Variants in C2CD3 observed in about 807,000 individuals in gnomAD.
C2CD3 encodes C2 domain containing 3 centriole elongation regulator.
In C2CD3, 148 loss-of-function variants were observed where a neutral mutation model predicts 234.0. The ratio of observed to expected loss-of-function variants is 0.63; its 90% confidence interval spans 0.55 to 0.72. The LOEUF (loss-of-function observed/expected upper bound fraction) is 0.72, where lower values mean the gene tolerates loss of function less well. C2CD3 is among the 30% of genes least tolerant of loss of function. C2CD3 has a pLI of 0.00. For missense variants in C2CD3, 2,577 were observed against 2,811.5 expected (o/e 0.92, Z 1.89); for synonymous variants, 1,000 against 1,035.4 (o/e 0.97, Z 0.66).
At chr11:74,109,456 GT>G in intron 11 of C2CD3, 1 of 244,326 alleles carries the variant, frequency 4.1e-6, no homozygotes, top group Non-Finnish European at 7.8e-6. Flanking sequence ...ACTTCACTGG[GT>G]TTTAGGTAAT....
intron 19 of C2CD3, 60 bp downstream of exon 19, chr11:74,092,356 T>C: frequency 6.8e-7 from 1 of 1,479,114 alleles, no homozygotes. Flanking sequence ...CACCCGGCTA[T>C]TTTATATATT....
intron 22 of C2CD3, among the ~76,000 whole-genome samples, chr11:74,084,475 C>T (rs1211089738): frequency 1.3e-5 from 2 of 151,568 alleles, no homozygotes; most frequent in African/African-American, 2.4e-5. Context: ...GGGGTTTCAC[C>T]ATGTTAGCCA....
chr11:74,109,008 G>T, intron 12 of C2CD3, 26 bp downstream of exon 12: 1 of 1,269,762 alleles, frequency 7.9e-7, no homozygotes, highest in Non-Finnish European at 1.1e-6. Flanking sequence ...TGAAGGTAAG[G>T]CAAAGGCCAA....
chr11:74,026,767 A>G (rs1952315662), intron 32 of C2CD3, among the ~76,000 whole-genome samples: 1 of 152,066 alleles, frequency 6.6e-6, no homozygotes, highest in African/African-American at 2.4e-5. Flanking sequence ...CAAGAGATTG[A>G]GACCATCCTG....
At chr11:74,075,366 T>TG (rs35261928) in intron 23 of C2CD3, among the ~76,000 whole-genome samples, 1 of 121,086 alleles carries the variant, frequency 8.3e-6, no homozygotes, top group Admixed American at 8.6e-5. Flanking sequence ...GGCGATATTT[T>TG]GGGGGGGGGT....
At chr11:74,056,280 C>A (rs554203540) in intron 25 of C2CD3, among the ~76,000 whole-genome samples, 2 of 152,302 alleles carry the variant, frequency 1.3e-5, no homozygotes, top group East Asian at 3.9e-4. Context: ...TAAATTCTAA[C>A]AATGATTTTG....
chr11:74,105,097 G>A (rs1387671630), intron 13 of C2CD3, among the ~76,000 whole-genome samples: 1 of 152,152 alleles, frequency 6.6e-6, no homozygotes, highest in African/African-American at 2.4e-5. Flanking sequence ...CAAAAACACA[G>A]AGGCATGAAC....
intron 7 of C2CD3, among the ~76,000 whole-genome samples, chr11:74,126,659 G>C (rs550419566): frequency 6.6e-6 from 1 of 152,102 alleles, no homozygotes. Flanking sequence ...CAGGAGAATC[G>C]CTTGAACCCA....
chr11:74,159,821 C>A (rs1195410882), intron 3 of C2CD3, among the ~76,000 whole-genome samples: 1 of 151,716 alleles, frequency 6.6e-6, no homozygotes, highest in African/African-American at 2.4e-5. Context: ...TAGGCCTTCA[C>A]ATTCACTCAC....
chr11:74,133,080 C>G, intron 6 of C2CD3, 108 bp from the exon 7 acceptor site: 1 of 1,034,816 alleles, frequency 9.7e-7, no homozygotes, highest in Non-Finnish European at 1.4e-6. Flanking sequence ...ATTTAACATA[C>G]TTTAGACTTA....
chr11:74,120,031 G>A (rs1033090620), intron 8 of C2CD3, among the ~76,000 whole-genome samples: 1 of 151,970 alleles, frequency 6.6e-6, no homozygotes, highest in Non-Finnish European at 1.5e-5. Context: ...TAGTGCAACT[G>A]AAAAATAAAT....
intron 11 of C2CD3, among the ~76,000 whole-genome samples, chr11:74,111,919 T>TAC (rs61499954): frequency 0.093 from 11,550 of 124,632 alleles, 543 homozygotes; most frequent in Middle Eastern, 0.13. Context: ...TATTTGCTGA[T>TAC]ACACACACAC....
intron 32 of C2CD3, among the ~76,000 whole-genome samples, chr11:74,027,686 C>A (rs991184364): frequency 3.9e-5 from 6 of 152,152 alleles, no homozygotes; most frequent in Non-Finnish European, 8.8e-5. Context: ...TGCTCAGTAT[C>A]CAGCATGACA....
chr11:74,135,356 C>T (rs1957826107), intron 5 of C2CD3, among the ~76,000 whole-genome samples: 2 of 152,090 alleles, frequency 1.3e-5, no homozygotes, highest in East Asian at 1.9e-4. Flanking sequence ...GAGCCTCGAC[C>T]TCCCAGGGTC....
rs778878027 is a variant in C2CD3, at chr11:74,054,576, C to A, written c.5155+31G>T. On this transcript the variant is annotated intron_variant, in intron 26 of 32. Coordinates refer to ENST00000334126, the MANE Select transcript of C2CD3 (RefSeq NM_001286577.2). ...CAGGATGTGAGCTTATTTTTACAAG[C>A]AAGCAGATATTCTTTTAACAGAGTT... 5.1e-6 allele frequency: 6 copies of A among 1,187,460 alleles called. No individual in the cohort carries two copies. In the South Asian group the frequency reaches 6.7e-5, roughly 13 times the overall value. 73.6% of individuals were successfully genotyped at this position (1,187,460 alleles called of 1,614,324 possible). A position where few individuals can be genotyped will look rare whatever the true frequency, so the allele number is the denominator to read the frequency against.
At chr11:74,163,772 A>G (rs898573926) in intron 2 of C2CD3, among the ~76,000 whole-genome samples, 2 of 152,212 alleles carry the variant, frequency 1.3e-5, no homozygotes, top group Non-Finnish European at 2.9e-5. Context: ...ATGGACTAAT[A>G]CACCACTCAT....
chr11:74,042,220 T>C lies in C2CD3; in HGVS notation c.5496-2A>G, dbSNP rs1953100514. 9 of 1,533,814 alleles carry C rather than the reference T, an allele frequency of 5.9e-6. No homozygotes were observed. The highest frequency in any genetic ancestry group is 7.8e-6 in the Non-Finnish European group (9 of 1,152,834). ...GCTTGGCTTCTTGTGGTATCACTTC[T>C]GTCAAAAAAAAAAAAAAAAAAAGTA... On this transcript the variant is annotated splice_acceptor_variant, in intron 28 of 32. Transcript: ENST00000334126. LOFTEE classifies it high-confidence loss of function.
chr11:74,098,427 C>T (rs1021151441), intron 15 of C2CD3, among the ~76,000 whole-genome samples, 172 bp from the exon 16 acceptor site: 3 of 152,138 alleles, frequency 2.0e-5, no homozygotes, highest in Non-Finnish European at 2.9e-5. Flanking sequence ...ATAAAAATTA[C>T]CAGGCAGAGA....
At chr11:74,063,721 G>C (rs1339464281) in intron 24 of C2CD3, among the ~76,000 whole-genome samples, 2 of 152,174 alleles carry the variant, frequency 1.3e-5, no homozygotes. Context: ...GCACAAGACA[G>C]GGATGCCCTC....
Sources: allele counts gnomAD v4.1 joint callset (sites outside exome capture counted in the v4.1 genomes callset), GRCh38; gene constraint gnomAD v4.1.1; transcripts MANE v1.5; gene names NCBI Gene and HGNC (gene_info 2026-07-23, HGNC 2026-07-21).